ANKRD31: variants seen among roughly 807,000 people sequenced by gnomAD.
ANKRD31 encodes ankyrin repeat domain 31.
In ANKRD31, 147 loss-of-function variants were observed where a neutral mutation model predicts 186.0. That is an observed-to-expected ratio of 0.79 (90% CI 0.69 to 0.91). ANKRD31 has a LOEUF of 0.91. Among genes scored for constraint, ANKRD31 ranks in the 40% least tolerant of loss-of-function variants. The pLI, the probability that ANKRD31 is intolerant of heterozygous loss-of-function variation, is 0.00. For missense variants in ANKRD31, 1,986 were observed against 2,148.8 expected, an observed-to-expected ratio of 0.92 and a Z score of 1.50; for synonymous variants, 673 against 736.4, an observed-to-expected ratio of 0.91 and a Z score of 1.39.
intron 4 of ANKRD31, among the ~76,000 whole-genome samples, chr5:75,207,582 T>A (rs572226647): frequency 1.3e-5 from 2 of 152,200 alleles, no homozygotes; most frequent in South Asian, 4.1e-4. Context: ...TCATCAAAAT[T>A]CACATTTTTA....
intron 17 of ANKRD31, among the ~76,000 whole-genome samples, chr5:75,134,839 C>A (rs1219383596): frequency 5.9e-5 from 9 of 152,096 alleles, no homozygotes; most frequent in African/African-American, 1.2e-4. Flanking sequence ...GGGCTTCATC[C>A]CTGGGATACA....
Position 75,084,370 on chromosome 5 carries a change from G to A in ANKRD31, c.5477C>T (p.Thr1826Met), listed in dbSNP as rs577440693. The change falls in exon 24 of 26, where the codon ACG becomes ATG. Residue 1826 changes from threonine to methionine, a missense_variant. Physicochemically the swap from Thr to Met is moderately conservative, Grantham distance 81 (BLOSUM62 -1). Coordinates refer to ENST00000506364, the MANE Select transcript of ANKRD31 (RefSeq NM_001372053.1). ...CCTTAAAAGCTCCTTCCCAAGATACGTTACCTGCACATAATTAAGCACAAA... is the reference window on the plus strand; with the variant it reads ...CCTTAAAAGCTCCTTCCCAAGATACATTACCTGCACATAATTAAGCACAAA... ...VTWNYAWSKVTYLGKELLRYV... is the reference protein window; with the variant it reads ...VTWNYAWSKVMYLGKELLRYV... 2.6e-5 allele frequency: 40 copies of A among 1,535,806 alleles called. No homozygotes were observed. The highest frequency in any genetic ancestry group is 1.2e-4 in the East Asian group (5 of 40,886).
rs767546706 is a variant in ANKRD31, at chr5:75,169,122, C to G, written c.1565-1G>C. On this transcript the variant is annotated splice_acceptor_variant, in intron 10 of 25. Transcript: ENST00000506364. LOFTEE classifies it high-confidence loss of function. Reference sequence around the variant, plus strand: ...CTAGCTTCATGAAGTGCTGTCCAACCTATCATACAAAAAGATACGGCATTT... The same window carrying G: ...CTAGCTTCATGAAGTGCTGTCCAACGTATCATACAAAAAGATACGGCATTT... 8 of 1,534,354 alleles carry G rather than the reference C, an allele frequency of 5.2e-6. No individual in the cohort carries two copies. The highest frequency in any genetic ancestry group is 7.0e-6 in the Non-Finnish European group (8 of 1,144,848).
chr5:75,192,978 C>G (rs1348191191), intron 8 of ANKRD31, among the ~76,000 whole-genome samples: 1 of 152,100 alleles, frequency 6.6e-6, no homozygotes, highest in Non-Finnish European at 1.5e-5. Context: ...GCTTCTAGCC[C>G]TCTCTTTGCG....
intron 3 of ANKRD31, among the ~76,000 whole-genome samples, chr5:75,214,464 T>C (rs1255759194): frequency 1.2e-4 from 19 of 152,194 alleles, no homozygotes; most frequent in Non-Finnish European, 1.5e-5. Context: ...CACATTGTAT[T>C]TGAGTAGCCC....
intron 23 of ANKRD31, among the ~76,000 whole-genome samples, chr5:75,087,790 TA>T (rs1745615992): frequency 6.6e-6 from 1 of 152,180 alleles, no homozygotes; most frequent in South Asian, 2.1e-4. Flanking sequence ...ATTCATAATA[TA>T]AGACAGAAAG....
intron 1 of ANKRD31, among the ~76,000 whole-genome samples, chr5:75,236,006 G>C (rs909807067): frequency 6.6e-6 from 1 of 152,162 alleles, no homozygotes. Flanking sequence ...ACACAGCCCT[G>C]AGCACATATG....
At chr5:75,084,634 C>G (rs1478418243) in intron 23 of ANKRD31, among the ~76,000 whole-genome samples, 1 of 152,160 alleles carries the variant, frequency 6.6e-6, no homozygotes, top group African/African-American at 2.4e-5. Context: ...ACCACACGTC[C>G]ATGAAGCCCA....
intron 20 of ANKRD31, among the ~76,000 whole-genome samples, 154 bp from the exon 21 acceptor site, chr5:75,107,771 T>C (rs929626269): frequency 6.6e-6 from 1 of 152,018 alleles, no homozygotes; most frequent in African/African-American, 2.4e-5. Context: ...TAAGGCTTAT[T>C]TAACAATGTC....
intron 10 of ANKRD31, among the ~76,000 whole-genome samples, chr5:75,186,419 T>A (rs549005198): frequency 7.2e-5 from 11 of 152,318 alleles, no homozygotes; most frequent in African/African-American, 2.4e-4. Flanking sequence ...CCTAAACAGT[T>A]TTGTCTCTCA....
At chr5:75,077,225 T>C (rs1277495921) in intron 25 of ANKRD31, among the ~76,000 whole-genome samples, 1 of 152,068 alleles carries the variant, frequency 6.6e-6, no homozygotes, top group Admixed American at 6.6e-5. Flanking sequence ...TGCCCCACCA[T>C]GCCCAGCCAA....
At chr5:75,151,626 C>T (rs916233383) in intron 12 of ANKRD31, among the ~76,000 whole-genome samples, 1 of 152,008 alleles carries the variant, frequency 6.6e-6, no homozygotes, top group Non-Finnish European at 1.5e-5. Context: ...TTATAAGTTA[C>T]CCAGTCTCAG....
At chr5:75,070,174 A>T (rs1744104629) in intron 25 of ANKRD31, among the ~76,000 whole-genome samples, 1 of 152,132 alleles carries the variant, frequency 6.6e-6, no homozygotes, top group Non-Finnish European at 1.5e-5. Flanking sequence ...CTTTATTAGG[A>T]GCTTTGTTTT....
At chr5:75,106,515 A>G (rs558547087) in intron 21 of ANKRD31, among the ~76,000 whole-genome samples, 1 of 152,224 alleles carries the variant, frequency 6.6e-6, no homozygotes. Flanking sequence ...ATCAAACTTA[A>G]AACTATGTGA....
intron 12 of ANKRD31, among the ~76,000 whole-genome samples, chr5:75,152,323 T>C (rs192628769): frequency 1.4e-4 from 22 of 152,144 alleles, no homozygotes; most frequent in Admixed American, 1.4e-3. Context: ...CACAGAGCTT[T>C]AGCAGAGGAT....
chr5:75,168,766 A>T (rs1365870196), intron 11 of ANKRD31, among the ~76,000 whole-genome samples: 1 of 152,136 alleles, frequency 6.6e-6, no homozygotes, highest in African/African-American at 2.4e-5. Context: ...AAAAAGCTCT[A>T]TATGGTTATT....
Position 75,195,728 on chromosome 5 carries a change from C to T in ANKRD31, c.920G>A (p.Arg307Lys). The change falls in exon 7 of 26, where the codon AGA (arginine) becomes AAA (lysine). Residue 307 changes from arginine to lysine, a missense_variant. Transcript: ENST00000506364. ...SEAKVETICH[R>K]KEGGSSLIAR... ...AATGAGACTGCTACCTCCCTCTTTT[C>T]TGTGACAGATGGTTTCCACCTTGGC... 1 of 1,537,590 alleles carries T rather than the reference C, an allele frequency of 6.5e-7. No homozygotes were observed. Among genetic ancestry groups the T allele is most frequent in the Middle Eastern group, 1.7e-4 (1 of 5,992 alleles).
chr5:75,147,447 C>A lies in ANKRD31; in HGVS notation c.1964G>T (p.Arg655Ile). 1 of 1,495,930 alleles carries A rather than the reference C, an allele frequency of 6.7e-7. No individual in the cohort carries two copies. Among genetic ancestry groups the A allele is most frequent in the Non-Finnish European group, 8.8e-7 (1 of 1,132,490 alleles). 92.7% of individuals were successfully genotyped at this position (1,495,930 alleles called of 1,614,324 possible). A position where few individuals can be genotyped will look rare whatever the true frequency, so the allele number is the denominator to read the frequency against. Residue 655 changes from arginine (R) to isoleucine (I), a missense_variant, in exon 14 of 26, where the codon AGA becomes ATA. By Grantham distance (97) the Arg-to-Ile change is moderately conservative. Coordinates refer to ENST00000506364, the MANE Select transcript of ANKRD31 (RefSeq NM_001372053.1). ...IWHVYNENSN[R>I]QKLEHVKVNK... Reference sequence around the variant, plus strand: ...GACTTTTACATGTTCCAGCTTCTGTCTGTTGGAATTTTCATTATAAACATG... The same window carrying A: ...GACTTTTACATGTTCCAGCTTCTGTATGTTGGAATTTTCATTATAAACATG...
intron 17 of ANKRD31, among the ~76,000 whole-genome samples, chr5:75,128,853 A>T (rs1405892110): frequency 6.6e-6 from 1 of 152,050 alleles, no homozygotes; most frequent in Admixed American, 6.6e-5. Flanking sequence ...CTCTATAAAA[A>T]ACCAGCAGGT....
Sources: allele counts gnomAD v4.1 joint callset (sites outside exome capture counted in the v4.1 genomes callset), GRCh38; gene constraint gnomAD v4.1.1; transcripts MANE v1.5; gene names NCBI Gene and HGNC (gene_info 2026-07-23, HGNC 2026-07-21).